The following AGAP1 variants were observed in gnomAD, a reference collection of about 807,000 sequenced individuals.
AGAP1 encodes ArfGAP with GTPase domain, ankyrin repeat and PH domain 1, also known as arf-GAP with GTPase, ANK repeat and PH domain-containing protein 1.
Under a neutral mutation model 105.3 loss-of-function variants are expected in AGAP1, and 29 were observed. That is an observed-to-expected ratio of 0.28 (90% CI 0.21 to 0.38). AGAP1 has a LOEUF of 0.38. AGAP1 is among the 10% of genes least tolerant of loss of function. The probability of loss-of-function intolerance (pLI) is 1.00; values close to 1 mark genes in which losing one functional copy is unlikely to be tolerated. For synonymous variants in AGAP1, 509 were observed against 485.9 expected (o/e 1.05, Z -0.63); for missense variants, 998 against 1,165.1 (o/e 0.86, Z 2.09).
chr2:235,644,812 G>A (rs893130025), intron 1 of AGAP1, among the ~76,000 whole-genome samples: 2 of 152,190 alleles, frequency 1.3e-5, no homozygotes, highest in African/African-American at 4.8e-5. Context: ...CAATATTATG[G>A]TGTGTCAGCT....
rs1023623856 is a variant in AGAP1, at chr2:235,559,001, C to T, written c.163+64152C>T. On this transcript the variant is annotated intron_variant, in intron 1 of 17. Transcript: ENST00000304032. The surrounding 1 kb of genome is among the most constrained non-coding windows in gnomAD (Gnocchi z 5.7). ...ACGGTGGTGTGATCTCTGCTCACTG[C>T]AGCCTTCGCCTCCCAGGCTCAAGAA... Among the ~76,000 whole-genome samples, 1 of 152,138 alleles carries T rather than the reference C, an allele frequency of 6.6e-6. No individual in the cohort carries two copies. The highest frequency in any genetic ancestry group is 1.5e-5 in the Non-Finnish European group (1 of 68,028).
At chr2:235,804,348 T>A (rs1183518533) in intron 8 of AGAP1, among the ~76,000 whole-genome samples, 1 of 152,222 alleles carries the variant, frequency 6.6e-6, no homozygotes, top group African/African-American at 2.4e-5. Flanking sequence ...CAGAGCCAAG[T>A]GCACCCAGGA....
intron 15 of AGAP1, among the ~76,000 whole-genome samples, chr2:236,048,026 T>G (rs1423685844): frequency 6.6e-6 from 1 of 152,212 alleles, no homozygotes; most frequent in Non-Finnish European, 1.5e-5. Context: ...TTACTTGCCA[T>G]TTATAAAACA....
At chr2:235,499,068 G>A (rs1022338403) in intron 1 of AGAP1, among the ~76,000 whole-genome samples, 1 of 152,178 alleles carries the variant, frequency 6.6e-6, no homozygotes, top group Non-Finnish European at 1.5e-5. Context: ...GTCCTGCAGC[G>A]ATCTTGTACA....
chr2:235,918,165 C>G (rs1222391458), intron 11 of AGAP1, among the ~76,000 whole-genome samples: 2 of 152,194 alleles, frequency 1.3e-5, no homozygotes, highest in African/African-American at 4.8e-5. Context: ...ACCAAGGTCA[C>G]TCGGGAGTTT....
chr2:235,810,467 C>T (rs1958075466), intron 9 of AGAP1, among the ~76,000 whole-genome samples: 1 of 152,100 alleles, frequency 6.6e-6, no homozygotes, highest in Non-Finnish European at 1.5e-5. Flanking sequence ...TCTTCTTTCC[C>T]CCAGCAGGAG....
At chr2:235,819,485 T>C (rs1400237094) in intron 9 of AGAP1, among the ~76,000 whole-genome samples, 1 of 152,148 alleles carries the variant, frequency 6.6e-6, no homozygotes, top group East Asian at 1.9e-4. Flanking sequence ...TGAGATCCCC[T>C]TTCTAGGCAC....
chr2:235,916,397 C>T (rs1205273339), intron 11 of AGAP1, among the ~76,000 whole-genome samples: 3 of 152,300 alleles, frequency 2.0e-5, no homozygotes, highest in Admixed American at 6.5e-5. Context: ...GGAGGTAAAA[C>T]GTCAAGGTAT....
chr2:235,677,544 T>C (rs1353891753), intron 1 of AGAP1, among the ~76,000 whole-genome samples: 2 of 152,316 alleles, frequency 1.3e-5, no homozygotes, highest in Middle Eastern at 3.4e-3. Flanking sequence ...GTCCAAGATT[T>C]CACGTGACGT....
intron 16 of AGAP1, among the ~76,000 whole-genome samples, chr2:236,097,378 A>ATTTTTT (rs2059217350): frequency 2.3e-5 from 2 of 85,542 alleles, no homozygotes; most frequent in African/African-American, 1.0e-4. Context: ...TGTCATCCTA[A>ATTTTTT]TCTTTTTTTT....
chr2:235,742,114 A>C (rs1952628215), intron 4 of AGAP1, among the ~76,000 whole-genome samples: 1 of 152,174 alleles, frequency 6.6e-6, no homozygotes, highest in African/African-American at 2.4e-5. Flanking sequence ...ATGCAAACGG[A>C]ATGTCAGACA....
Position 235,740,897 on chromosome 2 carries a change from C to T in AGAP1, c.311-66C>T. The T allele has an allele frequency of 1.9e-6, 3 of 1,599,894 alleles. No individual in the cohort carries two copies. Among genetic ancestry groups the T allele is most frequent in the East Asian group, 2.2e-5 (1 of 44,752 alleles). On this transcript the variant is annotated intron_variant, in intron 3 of 17. Transcript: ENST00000304032. The surrounding 1 kb of genome is among the most constrained non-coding windows in gnomAD (Gnocchi z 5.7). ...GGTGTATTTTTCCACAAGCGAAGCC[C>T]ACGTCTGTCTGCCCTCCTCACTCTC... is the stretch of plus-strand genomic sequence containing the variant.
chr2:235,950,754 C>G (rs1255613389), intron 12 of AGAP1, among the ~76,000 whole-genome samples: 1 of 152,144 alleles, frequency 6.6e-6, no homozygotes, highest in South Asian at 2.1e-4. Context: ...ACAATCTTAC[C>G]TTTCAGTTTA....
rs1267651403 is a variant in AGAP1 at position 235,789,221 on chromosome 2, C to T, written c.674-8538C>T. 6.6e-6 allele frequency among the ~76,000 whole-genome samples: 1 copy of T among 152,156 alleles called. No homozygotes were observed. Among genetic ancestry groups the T allele is most frequent in the East Asian group, 1.9e-4 (1 of 5,198 alleles). On this transcript the variant is annotated intron_variant, in intron 6 of 17. Transcript: ENST00000304032. This position sits in a 1 kb window ranked among gnomAD's most constrained non-coding sequence, Gnocchi z 4.2. Reference sequence around the variant, plus strand: ...GTTTTTGTTTTTAATTATGTTCTTTCCCCTTTTCTCTGAAAGGAAAAGGGA... The same window carrying T: ...GTTTTTGTTTTTAATTATGTTCTTTTCCCTTTTCTCTGAAAGGAAAAGGGA...
At chr2:236,107,516 G>A (rs887828209) in intron 16 of AGAP1, among the ~76,000 whole-genome samples, 2 of 152,202 alleles carry the variant, frequency 1.3e-5, no homozygotes, top group African/African-American at 2.4e-5. Flanking sequence ...CTTGTATCCA[G>A]GAATATTATC....
chr2:235,924,946 C>T (rs1399036656), intron 11 of AGAP1, among the ~76,000 whole-genome samples: 1 of 114,026 alleles, frequency 8.8e-6, no homozygotes, highest in African/African-American at 4.6e-5. Context: ...TGTCCACACC[C>T]AGAGGAAGAA....
Position 235,959,595 on chromosome 2 carries a change from C to T in AGAP1, c.1484-8867C>T, listed in dbSNP as rs1451568223. 1.3e-5 allele frequency among the ~76,000 whole-genome samples: 2 copies of T among 152,080 alleles called. No homozygotes were observed. The highest frequency in any genetic ancestry group is 1.3e-4 in the Admixed American group (2 of 15,268). On this transcript the variant is annotated intron_variant, in intron 12 of 17. Transcript: ENST00000304032. The surrounding 1 kb of genome is among the most constrained non-coding windows in gnomAD (Gnocchi z 7.3). ...TCCTCTCTGGTCGCTCCTCACTGGT[C>T]TTGAGTCCCAGGTGACACTTCCTGC...
At chr2:236,019,367 G>T (rs1380735741) in intron 13 of AGAP1, among the ~76,000 whole-genome samples, 1 of 152,202 alleles carries the variant, frequency 6.6e-6, no homozygotes, top group East Asian at 1.9e-4. Context: ...GGCCCTGGAT[G>T]CTCTGGGGGC....
At chr2:235,646,920 G>A (rs1575034344) in intron 1 of AGAP1, among the ~76,000 whole-genome samples, 1 of 152,130 alleles carries the variant, frequency 6.6e-6, no homozygotes, top group African/African-American at 2.4e-5. Flanking sequence ...TGGATCACGA[G>A]GTCAGGAGAT....
Sources: gnomAD v4.1 joint callset for allele counts (sites outside exome capture counted in the v4.1 genomes callset) on GRCh38, gnomAD v4.1.1 for gene constraint, Gnocchi (gnomAD v3.1) non-coding constraint, MANE v1.5 for transcripts, NCBI Gene and HGNC (gene_info 2026-07-23, HGNC 2026-07-21) for gene names.